Variants in SIPA1L3 observed in about 807,000 individuals in gnomAD.
SIPA1L3 encodes the protein signal induced proliferation associated 1 like 3, also known as signal-induced proliferation-associated 1-like protein 3.
SIPA1L3 carries 59 observed loss-of-function variants against 150.1 expected under a neutral mutation model. The observed-to-expected ratio is 0.39, with a 90% CI of 0.32 to 0.49. The LOEUF is 0.49. SIPA1L3 is among the 20% of genes least tolerant of loss of function. The pLI, the probability that SIPA1L3 is intolerant of heterozygous loss-of-function variation, is 0.86. For missense variants in SIPA1L3, 2,211 were observed against 2,489.5 expected (o/e 0.89, Z 2.38); for synonymous variants, 1,070 against 1,077.6 (o/e 0.99, Z 0.14).
intron 2 of SIPA1L3, among the ~76,000 whole-genome samples, chr19:38,031,423 G>A (rs1008662494): frequency 2.0e-5 from 3 of 152,108 alleles, no homozygotes; most frequent in Non-Finnish European, 2.9e-5. Flanking sequence ...CAATTCCTCC[G>A]TCTTTCCTAG....
chr19:37,972,377 A>G (rs1038689144), intron 1 of SIPA1L3, among the ~76,000 whole-genome samples: 1 of 152,176 alleles, frequency 6.6e-6, no homozygotes, highest in Non-Finnish European at 1.5e-5. Context: ...TTCCAAAGTA[A>G]CAAAGGGCAT....
intron 1 of SIPA1L3, among the ~76,000 whole-genome samples, chr19:37,924,947 G>A (rs1758492924): frequency 1.3e-5 from 2 of 151,454 alleles, no homozygotes; most frequent in African/African-American, 4.9e-5. Context: ...TACTCAGGAG[G>A]CTGAGGTAGG....
intron 1 of SIPA1L3, among the ~76,000 whole-genome samples, chr19:38,021,888 C>T (rs1269344710): frequency 6.6e-6 from 1 of 152,214 alleles, no homozygotes; most frequent in Non-Finnish European, 1.5e-5. Context: ...AAATGCTTCT[C>T]TAGAATTCCT....
chr19:37,947,757 C>G (rs996297302), intron 1 of SIPA1L3, among the ~76,000 whole-genome samples: 1 of 152,204 alleles, frequency 6.6e-6, no homozygotes, highest in Non-Finnish European at 1.5e-5. Context: ...CAGAGCCTGG[C>G]TGGAAATATT....
At chr19:37,922,781 C>T (rs532168484) in intron 1 of SIPA1L3, among the ~76,000 whole-genome samples, 3 of 152,082 alleles carry the variant, frequency 2.0e-5, no homozygotes, top group Non-Finnish European at 4.4e-5. Context: ...CAAGGGTTCT[C>T]ACCCTTCTGG....
rs1191581869 is a variant in SIPA1L3, at chr19:38,110,363, G to T, written c.2270G>T (p.Cys757Phe). 1 of 1,613,960 alleles carries T rather than the reference G, an allele frequency of 6.2e-7. No homozygotes were observed. The highest frequency in any genetic ancestry group is 1.7e-5 in the Admixed American group (1 of 60,002). Residue 757 changes from cysteine to phenylalanine, a missense_variant, in exon 8 of 22, where the codon TGC (cysteine) becomes TTC (phenylalanine). Cys to Phe is a radical substitution (Grantham distance 205). Around this residue, in one of 5 missense-constraint regions of SIPA1L3, gnomAD observed 625 missense variants for 804.2 expected, o/e 0.78. Transcript: ENST00000222345. ...VFIIVRVHNPCTDNVCYSMAV... is the reference protein window; with the variant it reads ...VFIIVRVHNPFTDNVCYSMAV... ...ATCATTGTCCGAGTCCACAACCCCTGCACTGATAACGTCTGTTACAGGTAT... is the reference window on the plus strand; with the variant it reads ...ATCATTGTCCGAGTCCACAACCCCTTCACTGATAACGTCTGTTACAGGTAT...
intron 15 of SIPA1L3, among the ~76,000 whole-genome samples, chr19:38,180,542 T>C (rs1368676490): frequency 8.0e-5 from 12 of 149,882 alleles, no homozygotes; most frequent in Admixed American, 2.6e-4. Flanking sequence ...CTTTTCTTTT[T>C]TTTTTTTTTT....
chr19:38,191,966 A>C (rs1268481714), intron 16 of SIPA1L3, among the ~76,000 whole-genome samples, 179 bp from the exon 17 acceptor site: 1 of 152,106 alleles, frequency 6.6e-6, no homozygotes, highest in Non-Finnish European at 1.5e-5. Flanking sequence ...TGGTTCCCGG[A>C]AAACGTTTGT....
At chr19:37,971,067 A>G (rs1966919418) in intron 1 of SIPA1L3, among the ~76,000 whole-genome samples, 1 of 151,354 alleles carries the variant, frequency 6.6e-6, no homozygotes, top group Non-Finnish European at 1.5e-5. Context: ...TTTGAGATAT[A>G]ATTTATGTGT....
chr19:38,185,809 C>T (rs896220274), intron 16 of SIPA1L3: 10 of 152,180 alleles, frequency 6.6e-5, no homozygotes, highest in African/African-American at 2.4e-4. Context: ...CTCATTTTCA[C>T]TTGATTGCCT....
chr19:37,967,859 A>G (rs1426722344), intron 1 of SIPA1L3, among the ~76,000 whole-genome samples: 3 of 152,134 alleles, frequency 2.0e-5, no homozygotes, highest in Non-Finnish European at 4.4e-5. Context: ...GGGTTTTGCC[A>G]TGTTGCCAAG....
chr19:38,158,475 C>T (rs1972000010), intron 13 of SIPA1L3, among the ~76,000 whole-genome samples: 1 of 151,996 alleles, frequency 6.6e-6, no homozygotes, highest in Non-Finnish European at 1.5e-5. Context: ...CCTCTTGGGC[C>T]ACGGGGAGGC....
intron 9 of SIPA1L3, among the ~76,000 whole-genome samples, chr19:38,130,171 A>G (rs1971273044): frequency 1.3e-5 from 2 of 152,168 alleles, no homozygotes; most frequent in Admixed American, 1.3e-4. Flanking sequence ...GGCCCCACCC[A>G]ACCACAAGGG....
At chr19:38,039,635 A>C (rs1968866718) in intron 2 of SIPA1L3, among the ~76,000 whole-genome samples, 1 of 147,296 alleles carries the variant, frequency 6.8e-6, no homozygotes, top group South Asian at 2.2e-4. Context: ...CAGAGGTTGC[A>C]GTGAGCCAAG....
At chr19:38,067,621 G>T (rs1453983860) in intron 2 of SIPA1L3, among the ~76,000 whole-genome samples, 1 of 152,070 alleles carries the variant, frequency 6.6e-6, no homozygotes, top group Non-Finnish European at 1.5e-5. Flanking sequence ...AATTAGCTGG[G>T]CATGGTGGTG....
Position 38,088,869 on chromosome 19 carries a change from C to G in SIPA1L3, c.1665+18C>G. Reference sequence around the variant, plus strand: ...CCCGCGAGGTAGGTCCCATCACTCTCGTTCTTATTAAAGAAATCATAGCCA... The same window carrying G: ...CCCGCGAGGTAGGTCCCATCACTCTGGTTCTTATTAAAGAAATCATAGCCA... On this transcript the variant is annotated intron_variant, in intron 4 of 21. Coordinates refer to ENST00000222345, the MANE Select transcript of SIPA1L3 (RefSeq NM_015073.3). 2 of 1,611,098 alleles carry G rather than the reference C, an allele frequency of 1.2e-6. No homozygotes were observed. Among genetic ancestry groups the G allele is most frequent in the Non-Finnish European group, 1.7e-6 (2 of 1,177,916 alleles).
At chr19:38,111,463 T>C (rs1600085957) in intron 8 of SIPA1L3, among the ~76,000 whole-genome samples, 1 of 152,188 alleles carries the variant, frequency 6.6e-6, no homozygotes, top group East Asian at 1.9e-4. Flanking sequence ...CAATGAACAG[T>C]CTTATTTATA....
chr19:38,124,222 G>A (rs1191812716), intron 9 of SIPA1L3, among the ~76,000 whole-genome samples: 120 of 150,310 alleles, frequency 8.0e-4, no homozygotes, highest in African/African-American at 1.6e-3. Flanking sequence ...GCTGCCGGGC[G>A]GAGGGGCTCC....
chr19:37,991,200 C>A (rs1043505502), intron 1 of SIPA1L3, among the ~76,000 whole-genome samples: 3 of 152,174 alleles, frequency 2.0e-5, no homozygotes, highest in African/African-American at 7.2e-5. Context: ...CCACTGCACT[C>A]CAGCCTGGGC....
Sources: gnomAD v4.1 joint callset for allele counts (sites outside exome capture counted in the v4.1 genomes callset) on GRCh38, gnomAD v4.1.1 for gene constraint, gnomAD v4.1.1 regional missense constraint, MANE v1.5 for transcripts, NCBI Gene and HGNC (gene_info 2026-07-23, HGNC 2026-07-21) for gene names.